The following ACSL6 variants were observed in gnomAD, a reference collection of about 807,000 sequenced individuals.
The protein encoded by ACSL6 is acyl-CoA synthetase long chain family member 6.
A neutral mutation model predicts 98.2 loss-of-function variants in ACSL6; 47 were observed. The ratio of observed to expected loss-of-function variants is 0.48; its 90% CI spans 0.38 to 0.61. The LOEUF is 0.61. Ranked by LOEUF, ACSL6 falls within the 20% of genes least tolerant of loss-of-function variation. ACSL6 has a pLI of 0.00. For missense variants in ACSL6, 761 were observed against 913.4 expected, an observed-to-expected ratio of 0.83 and a Z score of 2.15; for synonymous variants, 362 against 336.9, an observed-to-expected ratio of 1.07 and a Z score of -0.82.
chr5:131,971,529 G>A (rs1264289141), intron 14 of ACSL6, 21 bp downstream of exon 14: 2 of 1,579,318 alleles, frequency 1.3e-6, no homozygotes, highest in Admixed American at 1.7e-5. Flanking sequence ...GTTTCCAAGG[G>A]AGGACACACA....
At chr5:131,959,401 GGGTCCATTGGTACACA>G (rs1752582607) in intron 20 of ACSL6, 119 bp downstream of exon 20, 4 of 883,772 alleles carry the variant, frequency 4.5e-6, no homozygotes, top group Non-Finnish European at 7.2e-6. Context: ...AGGCCTTCAG[GGGTCCATTGGTACACA>G]GCCTGCTGGC....
intron 10 of ACSL6, chr5:131,976,364 G>T: frequency 2.1e-6 from 1 of 467,478 alleles, no homozygotes; most frequent in Non-Finnish European, 2.8e-6. Flanking sequence ...TTTGAAGTTA[G>T]AAAGGAAAAA....
At chr5:131,977,797 C>T (rs2126846050) in intron 9 of ACSL6, among the ~76,000 whole-genome samples, 1 of 152,212 alleles carries the variant, frequency 6.6e-6, no homozygotes, top group South Asian at 2.1e-4. Context: ...GTACTCGATG[C>T]CCCTGAATTG....
intron 9 of ACSL6, among the ~76,000 whole-genome samples, chr5:131,979,002 TAA>T (rs1753765520): frequency 6.6e-6 from 1 of 152,256 alleles, no homozygotes; most frequent in African/African-American, 2.4e-5. Context: ...TGACATGATT[TAA>T]AAAGTTACAT....
rs771191778 is a variant in ACSL6 at position 132,011,564 on chromosome 5, G to A, written c.-11C>T. The stretch of plus-strand genomic sequence containing the variant: ...GAAGAAGGTCAGCATGGCGGTCAGC[G>A]GGGCCCGGCCCGGCCCGGCCCGGCC... On this transcript the variant is annotated 5_prime_UTR_variant, in exon 1 of 21. Coordinates refer to ENST00000651883, the MANE Select transcript of ACSL6 (RefSeq NM_001009185.3). This position sits in a 1 kb window ranked among gnomAD's most constrained non-coding sequence, Gnocchi z 5.4. The A allele has an allele frequency of 1.0e-5, 16 of 1,575,652 alleles. No individual in the cohort carries two copies. The highest frequency in any genetic ancestry group is 3.4e-4 in the Middle Eastern group (2 of 5,836).
chr5:131,973,200 A>G, intron 12 of ACSL6, 66 bp downstream of exon 12: 1 of 1,576,548 alleles, frequency 6.3e-7, no homozygotes, highest in South Asian at 1.2e-5. Context: ...CTGGGGCTCC[A>G]GACCCTGTCC....
In ACSL6 at chr5:131,966,441, G is replaced by C; in HGVS notation, c.1688C>G (p.Thr563Ser). ...CGGCAGCCATTTTCCGATGTCTCCAGTGTGAAGCCAGCCATCGCTGTCCAG... is the reference window on the plus strand; with the variant it reads ...CGGCAGCCATTTTCCGATGTCTCCACTGTGAAGCCAGCCATCGCTGTCCAG... ...EALDSDGWLH[T>S]GDIGKWLPAG... is the part of the protein sequence containing the mutation. Residue 563 changes from threonine to serine, a missense_variant, in exon 17 of 21, where the codon ACT (threonine) becomes AGT (serine). Physicochemically the swap from Thr to Ser is moderately conservative, Grantham distance 58. Coordinates refer to ENST00000651883, the MANE Select transcript of ACSL6 (RefSeq NM_001009185.3). 1 of 1,614,206 alleles carries C rather than the reference G, an allele frequency of 6.2e-7. No homozygotes were observed. The highest frequency in any genetic ancestry group is 8.5e-7 in the Non-Finnish European group (1 of 1,180,040).
chr5:132,011,764 C>G (rs777577513), upstream of ACSL6: 10 of 1,329,520 alleles, frequency 7.5e-6, no homozygotes, highest in Non-Finnish European at 8.7e-6. The surrounding 1 kb of genome is among the most constrained non-coding windows in gnomAD (Gnocchi z 5.4). Flanking sequence ...CGCAACCGAG[C>G]CTTACTCCCT....
chr5:132,006,751 A>T (rs1405964909), intron 1 of ACSL6: 2 of 152,216 alleles, frequency 1.3e-5, no homozygotes, highest in Non-Finnish European at 2.9e-5. Context: ...TCACTAGTTG[A>T]TTCATTCATT....
At chr5:131,957,418 C>A (rs116280451) in intron 20 of ACSL6, among the ~76,000 whole-genome samples, 1 of 152,226 alleles carries the variant, frequency 6.6e-6, no homozygotes, top group African/African-American at 2.4e-5. Context: ...TAAGTATGCT[C>A]AAATACTGCC....
At position 131,954,113 on chromosome 5, in the gene ACSL6, G is replaced by T; in HGVS notation, c.*121C>A. 2 of 1,016,524 alleles carry T rather than the reference G, an allele frequency of 2.0e-6. No homozygotes were observed. Among genetic ancestry groups the T allele is most frequent in the Admixed American group, 3.6e-5 (1 of 28,144 alleles). The allele number at this position is 1,016,524 out of a possible 1,614,324, so 63.0% of individuals were successfully genotyped here. On this transcript the variant is annotated 3_prime_UTR_variant, in exon 21 of 21. Transcript: ENST00000651883. ...TAAAGACCTCTTGGGACAGGAAAAG[G>T]CTCAGTCATAAAATCAGATGCTTAT...
rs761992825 is a variant in ACSL6 at position 132,011,461 on chromosome 5, T to G, written c.49+44A>C. 2 of 1,594,448 alleles carry G rather than the reference T, an allele frequency of 1.3e-6. No homozygotes were observed. Among genetic ancestry groups the G allele is most frequent in the African/African-American group, 2.7e-5 (2 of 74,318 alleles). On this transcript the variant is annotated intron_variant, in intron 1 of 20. Transcript: ENST00000651883. This position sits in a 1 kb window ranked among gnomAD's most constrained non-coding sequence, Gnocchi z 5.4. The stretch of plus-strand genomic sequence containing the variant: ...CACCTCGGGCGAAGACCTCATAGCC[T>G]GCGGGAGATGGGAGTCCGGGACGCG...
chr5:132,009,964 G>A (rs1209014885), intron 1 of ACSL6, among the ~76,000 whole-genome samples: 2 of 152,140 alleles, frequency 1.3e-5, no homozygotes, highest in Non-Finnish European at 2.9e-5. Context: ...AGGGCAAAGG[G>A]GTCCTGGCAG....
At chr5:132,010,980 G>A (rs1270112514) in intron 1 of ACSL6, among the ~76,000 whole-genome samples, 1 of 152,144 alleles carries the variant, frequency 6.6e-6, no homozygotes, top group African/African-American at 2.4e-5. Context: ...GAGGAGCCAG[G>A]TGAACCCTAC....
At chr5:131,995,127 A>G (rs1754730251) in intron 1 of ACSL6, among the ~76,000 whole-genome samples, 1 of 152,124 alleles carries the variant, frequency 6.6e-6, no homozygotes, top group Non-Finnish European at 1.5e-5. Flanking sequence ...CTCACCCACT[A>G]CAGCCCAAGT....
At chr5:131,955,612 C>T (rs1255220621) in intron 20 of ACSL6, among the ~76,000 whole-genome samples, 1 of 152,090 alleles carries the variant, frequency 6.6e-6, no homozygotes, top group African/African-American at 2.4e-5. Context: ...AGGTGAGGTG[C>T]TTAGGAGGAA....
chr5:131,975,816 T>G, intron 10 of ACSL6: 1 of 985,446 alleles, frequency 1.0e-6, no homozygotes. Context: ...CTCCACCCCT[T>G]TGCAGAGGCC....
chr5:131,954,202 T>C lies in ACSL6; in HGVS notation c.*32A>G. On this transcript the variant is annotated 3_prime_UTR_variant, in exon 21 of 21. Transcript: ENST00000651883. ...GAATAACTATAATATTGCTAGACAG[T>C]TCATTACACTGAGAAGAACTTTCCT... 6.3e-7 allele frequency: 1 copy of C among 1,593,438 alleles called. No individual in the cohort carries two copies. The highest frequency in any genetic ancestry group is 1.2e-5 in the South Asian group (1 of 86,902).
chr5:131,977,023 C>T (rs1483497771), intron 9 of ACSL6, among the ~76,000 whole-genome samples: 3 of 152,222 alleles, frequency 2.0e-5, no homozygotes, highest in Admixed American at 6.5e-5. Context: ...TATCCTCTCC[C>T]GTCTTCCTTC....
Sources: allele counts gnomAD v4.1 joint callset (sites outside exome capture counted in the v4.1 genomes callset), GRCh38; gene constraint gnomAD v4.1.1; non-coding constraint Gnocchi (gnomAD v3.1); transcripts MANE v1.5; gene names NCBI Gene and HGNC (gene_info 2026-07-23, HGNC 2026-07-21).